The following CLPB variants were observed in gnomAD, a reference collection of about 807,000 sequenced individuals.
CLPB encodes the protein ClpB family mitochondrial disaggregase, also known as mitochondrial disaggregase.
CLPB carries 40 observed loss-of-function variants against 78.4 expected under a neutral mutation model. The observed-to-expected ratio is 0.51, with a 90% CI of 0.40 to 0.66. The LOEUF (loss-of-function observed/expected upper bound fraction) is 0.66. Ranked by LOEUF, CLPB falls within the 30% of genes least tolerant of loss-of-function variation. The pLI, the probability that CLPB is intolerant of heterozygous loss-of-function variation, is 0.00. For synonymous variants in CLPB, 333 were observed against 348.0 expected (o/e 0.96, Z 0.48); for missense variants, 780 against 886.9 (o/e 0.88, Z 1.53).
At chr11:72,333,954 G>A (rs533398117) in intron 5 of CLPB, among the ~76,000 whole-genome samples, 38 of 152,282 alleles carry the variant, frequency 2.5e-4, no homozygotes, top group Non-Finnish European at 4.4e-4. Flanking sequence ...GATATGAGCT[G>A]CAGTGGAAGG....
In CLPB at chr11:72,291,374, T is replaced by G. The variant is rs1442578008; in HGVS notation, c.*1993A>C. On this transcript the variant is annotated 3_prime_UTR_variant, in exon 16 of 16. Transcript: ENST00000538039. The stretch of plus-strand genomic sequence containing the variant: ...CCAGGCTGGAGTGCAGTGGCGTGAT[T>G]TCAGCTCACTGCAACCTCCGCCTCC... The G allele has an allele frequency of 6.6e-6, 1 of 152,148 alleles. No homozygotes were observed. The highest frequency in any genetic ancestry group is 1.5e-5 in the Non-Finnish European group (1 of 68,032). The allele number at this position is 152,148 out of a possible 1,614,324, so 9.4% of individuals were successfully genotyped here.
In CLPB at chr11:72,405,550, T is replaced by C. The variant is rs571360844; in HGVS notation, c.456-2498A>G. On this transcript the variant is annotated intron_variant, in intron 2 of 15. Coordinates refer to ENST00000538039, the MANE Select transcript of CLPB (RefSeq NM_001258392.3). ...TTTGACAGATTCCTGGCATGCATGCTACTGTCCTGTGCTCCCACGTCTAAG... is the reference window on the plus strand; with the variant it reads ...TTTGACAGATTCCTGGCATGCATGCCACTGTCCTGTGCTCCCACGTCTAAG... Among the ~76,000 whole-genome samples the C allele has an allele frequency of 9.8e-5, 15 of 152,310 alleles. No homozygotes were observed. The South Asian group carries it at 2.9e-3, about 29-fold the overall frequency.
intron 4 of CLPB, among the ~76,000 whole-genome samples, chr11:72,372,259 T>G (rs1481261263): frequency 1.3e-5 from 2 of 152,190 alleles, no homozygotes; most frequent in Non-Finnish European, 2.9e-5. Flanking sequence ...GTTAAGAATA[T>G]GAGGAGGAGG....
chr11:72,408,680 AAAAAAAAG>A, intron 2 of CLPB, among the ~76,000 whole-genome samples: 1 of 151,504 alleles, frequency 6.6e-6, no homozygotes, highest in African/African-American at 2.4e-5. Flanking sequence ...AAAAAAAAAA[AAAAAAAAG>A]AAAAGAAAAG....
At chr11:72,383,370 AAAAT>A (rs1854975244) in intron 3 of CLPB, among the ~76,000 whole-genome samples, 1 of 151,890 alleles carries the variant, frequency 6.6e-6, no homozygotes, top group African/African-American at 2.4e-5. Context: ...TAAAAAATAA[AAAAT>A]AAAAAAATTA....
chr11:72,426,337 G>C (rs1231455033), intron 2 of CLPB, among the ~76,000 whole-genome samples: 1 of 152,170 alleles, frequency 6.6e-6, no homozygotes, highest in African/African-American at 2.4e-5. Context: ...CTTGGCCTGA[G>C]CCTGGACAGA....
intron 11 of CLPB, among the ~76,000 whole-genome samples, chr11:72,298,938 C>T (rs1230805592): frequency 6.6e-6 from 1 of 152,216 alleles, no homozygotes; most frequent in East Asian, 1.9e-4. Context: ...CTTCCGTTAA[C>T]CTCTCTGGGC....
intron 12 of CLPB, 57 bp downstream of exon 12, chr11:72,295,435 A>C: frequency 6.3e-7 from 1 of 1,585,346 alleles, no homozygotes; most frequent in Non-Finnish European, 8.6e-7. Flanking sequence ...ATCCTTCCCC[A>C]GGAGATAGGC....
intron 5 of CLPB, among the ~76,000 whole-genome samples, chr11:72,346,988 T>TAAAAAAAA (rs60688188): frequency 1.7e-5 from 1 of 60,172 alleles, no homozygotes; most frequent in Non-Finnish European, 3.8e-5. Flanking sequence ...TCTCAAAAAT[T>TAAAAAAAA]AAAAAAAAAA....
At chr11:72,416,690 C>T (rs549644906) in intron 2 of CLPB, among the ~76,000 whole-genome samples, 9 of 145,956 alleles carry the variant, frequency 6.2e-5, no homozygotes, top group African/African-American at 2.1e-4. Flanking sequence ...GAGCCAAGAT[C>T]GCGCCACTGC....
chr11:72,411,982 A>G (rs1855891349), intron 2 of CLPB: 1 of 152,220 alleles, frequency 6.6e-6, no homozygotes, highest in African/African-American at 2.4e-5. Context: ...GTTTACAGTA[A>G]TAACAGCACC....
intron 10 of CLPB, 97 bp downstream of exon 10, chr11:72,302,207 G>A (rs1157286099): frequency 1.5e-6 from 2 of 1,306,644 alleles, no homozygotes; most frequent in East Asian, 4.6e-5. Context: ...AAATCCCAAG[G>A]CTGCTGGAAT....
intron 2 of CLPB, among the ~76,000 whole-genome samples, chr11:72,416,378 T>C (rs748798591): frequency 2.6e-5 from 4 of 152,196 alleles, no homozygotes; most frequent in Non-Finnish European, 5.9e-5. Flanking sequence ...GTCATCATGA[T>C]ACATTTTTCT....
chr11:72,416,317 T>C (rs1856020032), intron 2 of CLPB, among the ~76,000 whole-genome samples: 1 of 152,226 alleles, frequency 6.6e-6, no homozygotes, highest in Non-Finnish European at 1.5e-5. Context: ...ACTTTTCACC[T>C]GTACTAACTA....
rs564828274 is a variant in CLPB, at chr11:72,313,138, A to T, written c.988+3968T>A. Among the ~76,000 whole-genome samples, 11 of 152,268 alleles carry T rather than the reference A, an allele frequency of 7.2e-5. No individual in the cohort carries two copies. The East Asian group carries it at 2.1e-3, about 29-fold the overall frequency. ...TAGTGTGGGAGGTTTTTTATAACCT[A>T]ATCTGGAACATGTTTGTCACATGTC... is the stretch of plus-strand genomic sequence containing the variant. On this transcript the variant is annotated intron_variant, in intron 7 of 15. Transcript: ENST00000538039.
rs756568344 is a variant in CLPB, at chr11:72,293,533, A to G, written c.1868T>C (p.Val623Ala). ...LPGGCTLRIT[V>A]EDSDKQLLKS... ...GAGTAGCTGCTTGTCTGAGTCCTCC[A>G]CCGTGATGCGCAAAGTACAGCCCCC... Residue 623 changes from valine (V) to alanine (A), a missense_variant, in exon 16 of 16, where the codon GTG (valine) becomes GCG (alanine). Around this residue, in one of 3 missense-constraint regions of CLPB, gnomAD observed 272 missense variants for 304.0 expected, o/e 0.89. Transcript: ENST00000538039. 1 of 1,614,054 alleles carries G rather than the reference A, an allele frequency of 6.2e-7. No individual in the cohort carries two copies. Among genetic ancestry groups the G allele is most frequent in the South Asian group, 1.1e-5 (1 of 91,070 alleles).
intron 1 of CLPB, among the ~76,000 whole-genome samples, chr11:72,432,471 C>G (rs1856573945): frequency 6.6e-6 from 1 of 152,160 alleles, no homozygotes; most frequent in Non-Finnish European, 1.5e-5. Flanking sequence ...GAAAGGCTTT[C>G]CTGACCCTAC....
rs907466035 is a variant in CLPB at position 72,286,622 on chromosome 11, T to G, written c.*6745A>C. On this transcript the variant is annotated 3_prime_UTR_variant, in exon 16 of 16. Coordinates refer to ENST00000538039, the MANE Select transcript of CLPB (RefSeq NM_001258392.3). ...TCCCAAATAGCTGGAATTACCGGCA[T>G]GTGCCACTATGTCCGGCTAATTTTT... 5 of 152,158 alleles carry G rather than the reference T, an allele frequency of 3.3e-5. No homozygotes were observed. The highest frequency in any genetic ancestry group is 2.9e-5 in the Non-Finnish European group (2 of 68,054). The allele number at this position is 152,158 out of a possible 1,614,324, so 9.4% of individuals were successfully genotyped here. A position where few individuals can be genotyped will look rare whatever the true frequency, so the allele number is the denominator to read the frequency against.
Position 72,289,318 on chromosome 11 carries a change from T to C in CLPB, c.*4049A>G, listed in dbSNP as rs1316833934. ...CTGATTTTAAGTTATATGCCTAGTATTCCTGGCCACAGTTAACTGAACCAA... is the reference window on the plus strand; with the variant it reads ...CTGATTTTAAGTTATATGCCTAGTACTCCTGGCCACAGTTAACTGAACCAA... On this transcript the variant is annotated 3_prime_UTR_variant, in exon 16 of 16. Coordinates refer to ENST00000538039, the MANE Select transcript of CLPB (RefSeq NM_001258392.3). 1.3e-5 allele frequency: 2 copies of C among 152,188 alleles called. No individual in the cohort carries two copies. The highest frequency in any genetic ancestry group is 2.1e-4 in the South Asian group (1 of 4,828). 9.4% of individuals were successfully genotyped at this position (152,188 alleles called of 1,614,324 possible). A position where few individuals can be genotyped will look rare whatever the true frequency, so the allele number is the denominator to read the frequency against.
Sources: allele counts gnomAD v4.1 joint callset (sites outside exome capture counted in the v4.1 genomes callset), GRCh38; gene constraint gnomAD v4.1.1; regional missense constraint gnomAD v4.1.1; transcripts MANE v1.5; gene names NCBI Gene and HGNC (gene_info 2026-07-23, HGNC 2026-07-21).